The following UGT1A7 variants were observed in gnomAD, a reference collection of about 807,000 sequenced individuals.
UGT1A7 encodes the protein UDP glucuronosyltransferase family 1 member A7, also known as UDP-glucuronosyltransferase 1A7.
In UGT1A7, 33 loss-of-function variants were observed where a neutral mutation model predicts 45.6. The ratio of observed to expected loss-of-function variants is 0.72; its 90% CI spans 0.55 to 0.97. The LOEUF (loss-of-function observed/expected upper bound fraction) is 0.97, where lower values mean the gene tolerates loss of function less well. Ranked by LOEUF, UGT1A7 falls within the 50% of genes least tolerant of loss-of-function variation. The pLI is 0.00. For missense variants in UGT1A7, 684 were observed against 666.2 expected (o/e 1.03, Z -0.29); for synonymous variants, 274 against 250.6 (o/e 1.09, Z -0.88).
chr2:233,727,319 C>A (rs1000765944), intron 1 of UGT1A7, among the ~76,000 whole-genome samples: 1 of 152,168 alleles, frequency 6.6e-6, no homozygotes, highest in Non-Finnish European at 1.5e-5. Flanking sequence ...GTTTCCCAGG[C>A]ACCAGGAGCT....
At chr2:233,724,136 CG>C in intron 1 of UGT1A7, among the ~76,000 whole-genome samples, 1 of 111,742 alleles carries the variant, frequency 8.9e-6, no homozygotes, top group African/African-American at 4.3e-5. Flanking sequence ...ACCTCCCGGA[CG>C]GGGCGGCTGG....
rs773080052 is a variant in UGT1A7, at chr2:233,725,069, CGCAGGCACTCG to C, written c.856-41958_856-41948del. On this transcript the variant is annotated intron_variant, in intron 1 of 4. Coordinates refer to ENST00000373426, the MANE Select transcript of UGT1A7 (RefSeq NM_019077.3). ...AGGCGTGGCGGCGCGCGCCTGCAAT[CGCAGGCACTCG>C]GCAGGCTGAGGCAGGAGAATCAGGC... 5.1e-3 allele frequency among the ~76,000 whole-genome samples: 744 copies of C among 146,616 alleles called. 33 individuals carry two copies. The highest frequency in any genetic ancestry group is 8.3e-3 in the Non-Finnish European group (553 of 66,856).
chr2:233,707,715 G>T (rs1206424873), intron 1 of UGT1A7, among the ~76,000 whole-genome samples: 1 of 152,082 alleles, frequency 6.6e-6, no homozygotes, highest in Non-Finnish European at 1.5e-5. Context: ...TCACTACTGT[G>T]AACAATGTTA....
At chr2:233,729,306 C>T (rs146717613) in intron 1 of UGT1A7, 13 of 1,614,122 alleles carry the variant, frequency 8.1e-6, no homozygotes, top group Non-Finnish European at 1.1e-5. Flanking sequence ...AGGCAGTGGT[C>T]CTCACCCCAG....
At chr2:233,694,253 G>A (rs910405791) in intron 1 of UGT1A7, among the ~76,000 whole-genome samples, 1 of 151,712 alleles carries the variant, frequency 6.6e-6, no homozygotes, top group African/African-American at 2.4e-5. Context: ...TTGAGCCAGG[G>A]ACCAGCGAAC....
intron 1 of UGT1A7, among the ~76,000 whole-genome samples, chr2:233,700,945 C>T (rs1367843958): frequency 1.3e-5 from 2 of 152,032 alleles, no homozygotes; most frequent in Non-Finnish European, 2.9e-5. Flanking sequence ...GTTCAATTCC[C>T]ACCTATGAGT....
intron 1 of UGT1A7, among the ~76,000 whole-genome samples, chr2:233,726,759 A>G (rs763773622): frequency 6.6e-6 from 1 of 152,232 alleles, no homozygotes; most frequent in South Asian, 2.1e-4. Flanking sequence ...TGCCTACCAC[A>G]GACACTAAGC....
intron 1 of UGT1A7, among the ~76,000 whole-genome samples, chr2:233,727,887 G>A (rs1352414906): frequency 2.0e-5 from 3 of 152,190 alleles, no homozygotes; most frequent in Non-Finnish European, 4.4e-5. Flanking sequence ...AGCAATGGCA[G>A]ACACGGCCAG....
At chr2:233,715,366 T>G (rs560578565) in intron 1 of UGT1A7, among the ~76,000 whole-genome samples, 1 of 150,042 alleles carries the variant, frequency 6.7e-6, no homozygotes, top group East Asian at 2.0e-4. Flanking sequence ...AGACTTATAT[T>G]TTCTTCACAG....
intron 1 of UGT1A7, chr2:233,718,791 G>C: frequency 6.2e-7 from 1 of 1,613,144 alleles, no homozygotes; most frequent in Non-Finnish European, 8.5e-7. Context: ...GCGTGGGGTG[G>C]ACAGTCAGCT....
chr2:233,751,041 C>T (rs1189631528), intron 1 of UGT1A7, among the ~76,000 whole-genome samples: 2 of 151,832 alleles, frequency 1.3e-5, no homozygotes, highest in African/African-American at 4.9e-5. Flanking sequence ...GCACTGTGTG[C>T]CTGGAAAAGA....
chr2:233,689,135 C>T (rs2074928364), intron 1 of UGT1A7, among the ~76,000 whole-genome samples: 1 of 152,204 alleles, frequency 6.6e-6, no homozygotes, highest in South Asian at 2.1e-4. Flanking sequence ...TTGTTACAAG[C>T]CCCTGAAGGA....
Position 233,725,264 on chromosome 2 carries a change from GGAGGCAGAGGCA to G in UGT1A7, c.856-41728_856-41717del, listed in dbSNP as rs551912265. Among the ~76,000 whole-genome samples, 306 of 58,542 alleles carry G rather than the reference GGAGGCAGAGGCA, an allele frequency of 5.2e-3. 76 individuals are homozygous for G. The highest frequency in any genetic ancestry group is 9.6e-3 in the African/African-American group (73 of 7,632). 38.4% of individuals were successfully genotyped at this position (58,542 alleles called of 152,430 possible). ...CAGAGGCAGAGGAGGCAGAGGCAGA[GGAGGCAGAGGCA>G]GAGGCAGAGGCAGAGGCAGAGGCAG... On this transcript the variant is annotated intron_variant, in intron 1 of 4. Coordinates refer to ENST00000373426, the MANE Select transcript of UGT1A7 (RefSeq NM_019077.3).
At chr2:233,693,594 CA>C in intron 1 of UGT1A7, 1 of 1,614,202 alleles carries the variant, frequency 6.2e-7, no homozygotes, top group Middle Eastern at 1.6e-4. Context: ...AGGTGCTACA[CA>C]AAGTTTTCAG....
At chr2:233,703,127 G>A (rs1038080992) in intron 1 of UGT1A7, among the ~76,000 whole-genome samples, 3 of 152,134 alleles carry the variant, frequency 2.0e-5, no homozygotes, top group Non-Finnish European at 4.4e-5. Context: ...CTTTTTACCT[G>A]TTATGGCTTT....
At chr2:233,710,745 A>G (rs182447991) in intron 1 of UGT1A7, among the ~76,000 whole-genome samples, 230 of 152,356 alleles carry the variant, frequency 1.5e-3, no homozygotes, top group African/African-American at 5.5e-3. Context: ...TCAAGGAGCA[A>G]AAGTTGCAAG....
chr2:233,729,285 C>G (rs1346383611), intron 1 of UGT1A7: 12 of 1,614,080 alleles, frequency 7.4e-6, no homozygotes, highest in Non-Finnish European at 5.9e-6. Context: ...AGCTCCATGC[C>G]AGAGGCCACC....
At chr2:233,740,937 T>A (rs1575638428) in intron 1 of UGT1A7, 2 of 146,280 alleles carry the variant, frequency 1.4e-5, no homozygotes, top group Admixed American at 6.8e-5. Context: ...GTTTTTTTTT[T>A]AATTAGCTAG....
rs1476500325 is a variant in UGT1A7 at position 233,772,338 on chromosome 2, T to C, written c.1372T>C (p.Trp458Arg). ...PVEPLDLAVF[W>R]VEFVMRHKGA... ...GGAGCCGCTGGACCTGGCCGTGTTC[T>C]GGGTGGAGTTTGTGATGAGGCACAA... Residue 458 changes from tryptophan (W) to arginine (R), a missense_variant, in exon 5 of 5, where the codon TGG becomes CGG. Trp to Arg is a moderately radical substitution (Grantham distance 101). Coordinates refer to ENST00000373426, the MANE Select transcript of UGT1A7 (RefSeq NM_019077.3). 3.1e-6 allele frequency: 5 copies of C among 1,614,136 alleles called. No individual in the cohort carries two copies. The highest frequency in any genetic ancestry group is 4.2e-6 in the Non-Finnish European group (5 of 1,180,052).
Sources: gnomAD v4.1 joint callset for allele counts (sites outside exome capture counted in the v4.1 genomes callset) on GRCh38, gnomAD v4.1.1 for gene constraint, MANE v1.5 for transcripts, NCBI Gene and HGNC (gene_info 2026-07-23, HGNC 2026-07-21) for gene names.